Variants in EPHX4 observed in about 807,000 individuals in gnomAD.
EPHX4 encodes the protein epoxide hydrolase 4, also known as abhydrolase domain containing 7.
In EPHX4, 31 loss-of-function variants were observed where a neutral mutation model predicts 44.9. The observed-to-expected ratio is 0.69, with a 90% CI of 0.52 to 0.93. The LOEUF is 0.93. Among genes scored for constraint, EPHX4 ranks in the 40% least tolerant of loss-of-function variants. The pLI is 0.00. For synonymous variants in EPHX4, 151 were observed against 159.7 expected (o/e 0.95, Z 0.41); for missense variants, 373 against 438.1 (o/e 0.85, Z 1.33).
At chr1:92,062,789 A>G (rs550408378) in intron 6 of EPHX4, among the ~76,000 whole-genome samples, 111 of 151,926 alleles carry the variant, frequency 7.3e-4, no homozygotes, top group African/African-American at 2.7e-3. Context: ...TTTCATTATC[A>G]CTTTCCTAAG....
intron 2 of EPHX4, among the ~76,000 whole-genome samples, chr1:92,040,107 T>C (rs1688488727): frequency 1.3e-5 from 2 of 152,110 alleles, no homozygotes; most frequent in African/African-American, 4.8e-5. Context: ...AATTCTATAT[T>C]CATTCATAAT....
chr1:92,037,018 A>T (rs1337814558), intron 2 of EPHX4, among the ~76,000 whole-genome samples: 1 of 152,240 alleles, frequency 6.6e-6, no homozygotes, highest in Non-Finnish European at 1.5e-5. Context: ...TTAAGTTTTA[A>T]GACAAAACTC....
intron 5 of EPHX4, among the ~76,000 whole-genome samples, chr1:92,051,218 A>T (rs1647245036): frequency 6.6e-6 from 1 of 151,968 alleles, no homozygotes; most frequent in African/African-American, 2.4e-5. Context: ...GTAAATAATT[A>T]TGTGTATAAC....
chr1:92,030,146 C>G lies in EPHX4; in HGVS notation c.67C>G (p.Leu23Val), dbSNP rs775929905. 5.0e-6 allele frequency: 8 copies of G among 1,612,782 alleles called. No homozygotes were observed. The Admixed American group carries it at 6.7e-5, about 13-fold the overall frequency. The change falls in exon 1 of 7, where the codon CTG becomes GTG. Residue 23 changes from leucine (L) to valine (V), a missense_variant. Transcript: ENST00000370383. ...LTLRSLLFWS[L>V]VYCYCGLCAS... ...GCTCCGGTCCCTGCTCTTCTGGTCC[C>G]TGGTCTACTGCTACTGCGGGCTCTG...
At chr1:92,056,744 G>A (rs1176592777) in intron 6 of EPHX4, among the ~76,000 whole-genome samples, 1 of 150,964 alleles carries the variant, frequency 6.6e-6, no homozygotes, top group Admixed American at 6.6e-5. Context: ...GCCTCCCAAA[G>A]TGCTGAGATT....
intron 6 of EPHX4, among the ~76,000 whole-genome samples, chr1:92,054,212 C>T (rs1647316460): frequency 1.3e-5 from 2 of 152,124 alleles, no homozygotes; most frequent in Admixed American, 1.3e-4. Context: ...CTGGCAGAAA[C>T]AAAGACAAAA....
At chr1:92,041,190 T>C (rs901330422) in intron 2 of EPHX4, among the ~76,000 whole-genome samples, 1 of 152,174 alleles carries the variant, frequency 6.6e-6, no homozygotes, top group Non-Finnish European at 1.5e-5. Flanking sequence ...AGAACTTGGC[T>C]GCAGCACTGT....
intron 6 of EPHX4, 127 bp downstream of exon 6, chr1:92,052,785 G>A: frequency 1.2e-6 from 1 of 816,306 alleles, no homozygotes; most frequent in Non-Finnish European, 1.8e-6. Context: ...AATTTTTTTA[G>A]TAAGTTGCAT....
rs768640803 is a variant in EPHX4, at chr1:92,030,097, T to C, written c.18T>C (p.Asp6=). 1.9e-5 allele frequency: 30 copies of C among 1,602,686 alleles called. No homozygotes were observed. The South Asian group carries it at 2.9e-4, about 15-fold the overall frequency. The change falls in exon 1 of 7, where the codon GAT becomes GAC. Residue 6 remains aspartate, a synonymous_variant. Transcript: ENST00000370383. ...GCCTCCCAATGGCGAGGCTGCGGGA[T>C]TGCCTGCCCCGCCTGATGCTCACGC... The part of the protein sequence containing the change: MARLR[D]CLPRLMLTLR...
intron 5 of EPHX4, among the ~76,000 whole-genome samples, chr1:92,051,216 T>C (rs1232385029): frequency 6.6e-6 from 1 of 151,922 alleles, no homozygotes; most frequent in East Asian, 1.9e-4. Context: ...CTGTAAATAA[T>C]TATGTGTATA....
chr1:92,045,426 A>G (rs1688569886), intron 3 of EPHX4, 106 bp from the exon 4 acceptor site: 1 of 1,377,298 alleles, frequency 7.3e-7, no homozygotes, highest in East Asian at 2.3e-5. Flanking sequence ...TAATTAGGAT[A>G]AGATAATGAA....
In EPHX4 at chr1:92,030,039, C is replaced by A; in HGVS notation, c.-41C>A. 6.9e-7 allele frequency: 1 copy of A among 1,446,226 alleles called. No homozygotes were observed. Among genetic ancestry groups the A allele is most frequent in the Non-Finnish European group, 9.2e-7 (1 of 1,091,894 alleles). 89.6% of individuals were successfully genotyped at this position (1,446,226 alleles called of 1,614,324 possible). A position where few individuals can be genotyped will look rare whatever the true frequency, so the allele number is the denominator to read the frequency against. ...TGGCGCGCTGCGGCGCTCGCTCACC[C>A]GCTCCCGAGGAAGGGCAGTGGGCCC... On this transcript the variant is annotated 5_prime_UTR_variant, in exon 1 of 7. Transcript: ENST00000370383.
chr1:92,042,593 T>G (rs1688523407), intron 2 of EPHX4, among the ~76,000 whole-genome samples: 1 of 151,654 alleles, frequency 6.6e-6, no homozygotes, highest in South Asian at 2.1e-4. Flanking sequence ...GGTGTGATGG[T>G]GTGCACCTGT....
At position 92,030,145 on chromosome 1, in the gene EPHX4, C is replaced by T. The variant is rs1458662763; in HGVS notation, c.66C>T (p.Ser22=). The change falls in exon 1 of 7, where the codon TCC becomes TCT. Residue 22 remains serine, a synonymous_variant. Coordinates refer to ENST00000370383, the MANE Select transcript of EPHX4 (RefSeq NM_173567.5). The part of the protein sequence containing the change: ...MLTLRSLLFW[S]LVYCYCGLCA... ...CGCTCCGGTCCCTGCTCTTCTGGTC[C>T]CTGGTCTACTGCTACTGCGGGCTCT... The T allele has an allele frequency of 1.2e-6, 2 of 1,612,678 alleles. No homozygotes were observed.
At chr1:92,049,552 G>A (rs1404328275) in intron 4 of EPHX4, among the ~76,000 whole-genome samples, 1 of 152,150 alleles carries the variant, frequency 6.6e-6, no homozygotes, top group Non-Finnish European at 1.5e-5. Flanking sequence ...AATATTCATT[G>A]AATGAATGAG....
At position 92,055,684 on chromosome 1, in the gene EPHX4, G is replaced by GT. The variant is rs533775754; in HGVS notation, c.857+3035dup. On this transcript the variant is annotated intron_variant, in intron 6 of 6. Transcript: ENST00000370383. Reference sequence around the variant, plus strand: ...TGTTTGTTTTTGTTTTTTGTTTTCTGTTTTTTTTTACAAATAACGTAAAGA... The same window carrying GT: ...TGTTTGTTTTTGTTTTTTGTTTTCTGTTTTTTTTTTACAAATAACGTAAAGA... Among the ~76,000 whole-genome samples, 318 of 150,378 alleles carry GT rather than the reference G, an allele frequency of 2.1e-3. 1 individual carries two copies. The highest frequency in any genetic ancestry group is 5.7e-3 in the African/African-American group (234 of 40,962).
intron 3 of EPHX4, chr1:92,043,633 A>G (rs1688543568): frequency 6.6e-6 from 1 of 152,248 alleles, no homozygotes. Context: ...TTAGAACCAC[A>G]TAATATTGTG....
At position 92,036,159 on chromosome 1, in the gene EPHX4, A is replaced by G. The variant is rs1205748993; in HGVS notation, c.317+3569A>G. ...TTTAGAAAGAAAACATTTGAAAGCT[A>G]TTTTCTTTCTCTACCTCACACCAAC... On this transcript the variant is annotated intron_variant, in intron 2 of 6. Coordinates refer to ENST00000370383, the MANE Select transcript of EPHX4 (RefSeq NM_173567.5). Among the ~76,000 whole-genome samples the G allele has an allele frequency of 2.6e-5, 4 of 152,240 alleles. No individual in the cohort carries two copies. In the East Asian group the frequency reaches 7.7e-4, roughly 29 times the overall value.
chr1:92,048,973 G>A (rs981231826), intron 4 of EPHX4, among the ~76,000 whole-genome samples: 5 of 151,736 alleles, frequency 3.3e-5, no homozygotes, highest in African/African-American at 1.2e-4. Context: ...ACAGCACTGG[G>A]ATTACAGGCA....
Sources: allele counts gnomAD v4.1 joint callset (sites outside exome capture counted in the v4.1 genomes callset), GRCh38; gene constraint gnomAD v4.1.1; transcripts MANE v1.5; gene names NCBI Gene and HGNC (gene_info 2026-07-23, HGNC 2026-07-21).